QTMAN: variants seen among roughly 807,000 people sequenced by gnomAD.
The protein encoded by QTMAN is tRNA-queuosine alpha-mannosyltransferase.
chr2:144,116,820 G>A, the QTMAN span, among the ~76,000 whole-genome samples: 43 of 152,140 alleles, frequency 2.8e-4, no homozygotes, highest in Admixed American at 2.7e-3. Flanking sequence ...TAAGAAAAGG[G>A]AGCCCAACTG....
the QTMAN span, among the ~76,000 whole-genome samples, chr2:144,065,530 A>T: frequency 6.6e-6 from 1 of 152,070 alleles, no homozygotes; most frequent in Non-Finnish European, 1.5e-5. Context: ...CAATGGGCAT[A>T]CTCAGTTGGC....
At chr2:143,993,836 A>G in the QTMAN span, among the ~76,000 whole-genome samples, 2 of 152,202 alleles carry the variant, frequency 1.3e-5, no homozygotes, top group Non-Finnish European at 2.9e-5. Flanking sequence ...AATAATTTGG[A>G]GCTGAATGTG....
chr2:143,995,652 T>A, the QTMAN span, among the ~76,000 whole-genome samples: 1 of 152,186 alleles, frequency 6.6e-6, no homozygotes, highest in Admixed American at 6.5e-5. Flanking sequence ...GAACCTACTA[T>A]GCTATAACTA....
At chr2:144,234,006 C>A in the QTMAN span, among the ~76,000 whole-genome samples, 1 of 150,792 alleles carries the variant, frequency 6.6e-6, no homozygotes. Context: ...AAAATCCAGG[C>A]CAAAAAAAAA....
At chr2:143,945,220 C>T in the QTMAN span, 2 of 152,108 alleles carry the variant, frequency 1.3e-5, no homozygotes, top group African/African-American at 4.8e-5. Context: ...TTTTGCTATC[C>T]AAAGGAACAC....
the QTMAN span, among the ~76,000 whole-genome samples, chr2:144,149,158 T>C: frequency 2.6e-5 from 4 of 152,038 alleles, no homozygotes; most frequent in Non-Finnish European, 4.4e-5. Context: ...GGGCTACAAA[T>C]GCTCATCCTG....
At chr2:144,072,676 G>A in the QTMAN span, among the ~76,000 whole-genome samples, 1 of 152,280 alleles carries the variant, frequency 6.6e-6, no homozygotes, top group South Asian at 2.1e-4. Flanking sequence ...CCACAACACA[G>A]AATCAGACAA....
chr2:144,320,472 T>C, the QTMAN span, among the ~76,000 whole-genome samples: 5 of 152,172 alleles, frequency 3.3e-5, no homozygotes, highest in African/African-American at 4.8e-5. Context: ...TGCAGACAGC[T>C]CTAGTCACTT....
chr2:144,105,119 T>C, the QTMAN span, among the ~76,000 whole-genome samples: 1 of 152,036 alleles, frequency 6.6e-6, no homozygotes, highest in African/African-American at 2.4e-5. Context: ...ATTACCATCA[T>C]CAAAGATCGA....
the QTMAN span, among the ~76,000 whole-genome samples, chr2:144,156,162 G>T: frequency 6.6e-6 from 1 of 152,036 alleles, no homozygotes; most frequent in Admixed American, 6.6e-5. Flanking sequence ...GCTTCTCATA[G>T]AAATTATGTC....
the QTMAN span, among the ~76,000 whole-genome samples, chr2:144,192,336 A>ACCT: frequency 5.9e-5 from 9 of 151,894 alleles, no homozygotes; most frequent in Non-Finnish European, 7.4e-5. Flanking sequence ...CGAACTCCTG[A>ACCT]CCTCCAGTGA....
chr2:144,182,363 G>A, the QTMAN span, among the ~76,000 whole-genome samples: 6 of 151,962 alleles, frequency 3.9e-5, no homozygotes, highest in Non-Finnish European at 8.8e-5. Flanking sequence ...AGAAGTGGAC[G>A]GGCATTGTGG....
At chr2:144,037,228 C>T in the QTMAN span, among the ~76,000 whole-genome samples, 2 of 152,122 alleles carry the variant, frequency 1.3e-5, no homozygotes, top group Admixed American at 1.3e-4. Flanking sequence ...AGTGCTTGAA[C>T]AACAACGTGA....
the QTMAN span, among the ~76,000 whole-genome samples, chr2:144,105,419 G>T: frequency 6.6e-6 from 1 of 152,186 alleles, no homozygotes; most frequent in East Asian, 1.9e-4. Context: ...ATGACCTGAT[G>T]CAGCTAAAAA....
At chr2:144,168,219 A>G in the QTMAN span, among the ~76,000 whole-genome samples, 1 of 152,154 alleles carries the variant, frequency 6.6e-6, no homozygotes, top group Non-Finnish European at 1.5e-5. Flanking sequence ...TACTTATTTC[A>G]TCATCTAAAC....
At chr2:144,158,431 TATA>T in the QTMAN span, among the ~76,000 whole-genome samples, 1 of 151,900 alleles carries the variant, frequency 6.6e-6, no homozygotes, top group Admixed American at 6.6e-5. Flanking sequence ...TACCTGCTTC[TATA>T]ATGTGCCAGA....
At chr2:144,277,090 C>T in the QTMAN span, among the ~76,000 whole-genome samples, 1 of 152,104 alleles carries the variant, frequency 6.6e-6, no homozygotes, top group Non-Finnish European at 1.5e-5. Context: ...AATAGGTGCC[C>T]ACTAGCCACA....
At chr2:144,301,658 A>C in the QTMAN span, among the ~76,000 whole-genome samples, 1 of 152,222 alleles carries the variant, frequency 6.6e-6, no homozygotes, top group African/African-American at 2.4e-5. Context: ...TAAACACGGG[A>C]TCATGTACAA....
the QTMAN span, among the ~76,000 whole-genome samples, chr2:144,030,899 G>C: frequency 6.6e-6 from 1 of 152,140 alleles, no homozygotes; most frequent in African/African-American, 2.4e-5. Flanking sequence ...CATGGAACTT[G>C]TTCATTTCTG....
Sources: allele counts gnomAD v4.1 joint callset (sites outside exome capture counted in the v4.1 genomes callset), GRCh38; gene constraint gnomAD v4.1.1; transcripts MANE v1.5; gene names NCBI Gene and HGNC (gene_info 2026-07-23, HGNC 2026-07-21).